Variants in ABCC1 observed in about 807,000 individuals in gnomAD.
ABCC1 encodes the protein ATP binding cassette subfamily C member 1 (ABCC1 blood group).
Under a neutral mutation model 172.9 loss-of-function variants are expected in ABCC1, and 83 were observed. That is an observed-to-expected ratio of 0.48 (90% CI 0.40 to 0.58). ABCC1 has a LOEUF of 0.58. Among genes scored for constraint, ABCC1 ranks in the 20% least tolerant of loss-of-function variants. ABCC1 has a pLI of 0.00. For synonymous variants in ABCC1, 937 were observed against 825.2 expected, an observed-to-expected ratio of 1.14 and a Z score of -2.32; for missense variants, 1,817 against 2,002.7, an observed-to-expected ratio of 0.91 and a Z score of 1.77.
intron 1 of ABCC1, among the ~76,000 whole-genome samples, chr16:16,007,418 T>A (rs1218320966): frequency 2.6e-5 from 4 of 152,176 alleles, no homozygotes; most frequent in Non-Finnish European, 5.9e-5. Context: ...AGAGGCAGCA[T>A]CTCACTATCT....
intron 12 of ABCC1, among the ~76,000 whole-genome samples, chr16:16,060,041 T>C (rs2049848261): frequency 6.6e-6 from 1 of 151,994 alleles, no homozygotes; most frequent in Non-Finnish European, 1.5e-5. Context: ...TCATGGGCCG[T>C]ATGTAAACAG....
chr16:16,135,497 CTG>C (rs1227016190), intron 28 of ABCC1, among the ~76,000 whole-genome samples: 1 of 152,170 alleles, frequency 6.6e-6, no homozygotes, highest in Non-Finnish European at 1.5e-5. Context: ...GAGTCTCACT[CTG>C]TCACCCAGTG....
intron 27 of ABCC1, among the ~76,000 whole-genome samples, chr16:16,132,646 C>T (rs1261011134): frequency 2.0e-5 from 3 of 150,680 alleles, no homozygotes; most frequent in African/African-American, 4.9e-5. Flanking sequence ...CTTAGCCTCC[C>T]GAGTAGCTGG....
At chr16:15,979,598 T>C (rs1047938112) in intron 1 of ABCC1, among the ~76,000 whole-genome samples, 13 of 152,106 alleles carry the variant, frequency 8.5e-5, no homozygotes, top group Non-Finnish European at 1.5e-5. Flanking sequence ...ACATTCAGAA[T>C]TGTGCATGTC....
Position 16,122,037 on chromosome 16 carries a change from C to A in ABCC1, c.3453C>A (p.Val1151=). The A allele has an allele frequency of 6.2e-7, 1 of 1,614,212 alleles. No individual in the cohort carries two copies. Among genetic ancestry groups the A allele is most frequent in the Non-Finnish European group, 8.5e-7 (1 of 1,180,040 alleles). ...TCGAGTCGGTCAGCCGCTCCCCGGT[C>A]TATTCCCATTTCAACGAGACCTTGC... The part of the protein sequence containing the change: ...KRLESVSRSP[V]YSHFNETLLG... The change falls in exon 24 of 31, where the codon GTC becomes GTA. Residue 1151 remains valine (V), a synonymous_variant. Coordinates refer to ENST00000399410, the MANE Select transcript of ABCC1 (RefSeq NM_004996.4).
chr16:16,133,070 T>C (rs1362418618), intron 27 of ABCC1, among the ~76,000 whole-genome samples: 1 of 152,078 alleles, frequency 6.6e-6, no homozygotes, highest in Non-Finnish European at 1.5e-5. Context: ...TCACCATCCC[T>C]TCTAGGGGGA....
At chr16:16,047,026 G>A (rs1432976646) in intron 9 of ABCC1, among the ~76,000 whole-genome samples, 2 of 152,038 alleles carry the variant, frequency 1.3e-5, no homozygotes, top group African/African-American at 4.8e-5. Context: ...CAAGACCCTG[G>A]CTCTGCAGAA....
chr16:16,036,736 TCTC>T (rs1422996979), intron 7 of ABCC1, 133 bp downstream of exon 7: 38 of 926,398 alleles, frequency 4.1e-5, no homozygotes, highest in African/African-American at 5.0e-5. Context: ...ATGCCTCACT[TCTC>T]CTCCTGGCCT....
intron 1 of ABCC1, among the ~76,000 whole-genome samples, chr16:15,997,955 A>C (rs2047115747): frequency 6.6e-6 from 1 of 151,646 alleles, no homozygotes; most frequent in Non-Finnish European, 1.5e-5. Context: ...CTGGGATTAC[A>C]GGCATTTGCC....
At chr16:16,086,591 C>A (rs919901576) in intron 17 of ABCC1, among the ~76,000 whole-genome samples, 2 of 152,138 alleles carry the variant, frequency 1.3e-5, no homozygotes, top group African/African-American at 2.4e-5. Flanking sequence ...ATAGCTGGAA[C>A]TACAGGCGCA....
intron 10 of ABCC1, 77 bp downstream of exon 10, chr16:16,048,380 G>A (rs759534957): frequency 1.4e-5 from 22 of 1,549,754 alleles, no homozygotes; most frequent in Non-Finnish European, 1.9e-5. Flanking sequence ...GGGAGTGGGT[G>A]TTGATGGTAA....
At position 16,090,533 on chromosome 16, in the gene ABCC1, T is replaced by C; in HGVS notation, c.2589T>C (p.Ala863=). 6.2e-7 allele frequency: 1 copy of C among 1,613,678 alleles called. No individual in the cohort carries two copies. Among genetic ancestry groups the C allele is most frequent in the South Asian group, 1.1e-5 (1 of 91,038 alleles). Residue 863 remains alanine, a synonymous_variant, in exon 19 of 31, where the codon GCT becomes GCC. Coordinates refer to ENST00000399410, the MANE Select transcript of ABCC1 (RefSeq NM_004996.4). Reference sequence around the variant, plus strand: ...TGCTGGCTCGAGACGGCGCCTTCGCTGAGTTCCTGCGTACCTATGCCAGCA... The same window carrying C: ...TGCTGGCTCGAGACGGCGCCTTCGCCGAGTTCCTGCGTACCTATGCCAGCA... ...QELLARDGAF[A]EFLRTYASTE...
intron 1 of ABCC1, among the ~76,000 whole-genome samples, chr16:15,989,833 G>T (rs2046818857): frequency 6.6e-6 from 1 of 152,140 alleles, no homozygotes; most frequent in African/African-American, 2.4e-5. Flanking sequence ...CCTGAACGCA[G>T]TGCCTGGTAT....
chr16:16,018,803 T>TTGAATATGTGTGTGTGTTTGAATA (rs56287964), intron 5 of ABCC1, among the ~76,000 whole-genome samples: 46 of 151,252 alleles, frequency 3.0e-4, no homozygotes, highest in African/African-American at 1.1e-3. Context: ...ATGTGTGTGT[T>TTGAATATGTGTGTGTGTTTGAATA]TGTGTGTGTG....
intron 13 of ABCC1, among the ~76,000 whole-genome samples, chr16:16,071,406 A>G (rs547189280): frequency 2.8e-4 from 42 of 151,830 alleles, no homozygotes; most frequent in Non-Finnish European, 4.3e-4. Flanking sequence ...CCATTCGCCC[A>G]TTTTTTCTGA....
At position 16,134,520 on chromosome 16, in the gene ABCC1, G is replaced by A; in HGVS notation, c.4125+12G>A. On this transcript the variant is annotated intron_variant, in intron 28 of 30. Transcript: ENST00000399410. The stretch of plus-strand genomic sequence containing the variant: ...CCATCATCCCCCAGGTGGGGTCTGG[G>A]TGTGGCCCAGGGGGTGAGCCAGAGC... The A allele has an allele frequency of 6.2e-7, 1 of 1,613,916 alleles. No homozygotes were observed. The highest frequency in any genetic ancestry group is 8.5e-7 in the Non-Finnish European group (1 of 1,180,010).
At chr16:16,117,927 G>C (rs1246480305) in intron 23 of ABCC1, among the ~76,000 whole-genome samples, 2 of 152,164 alleles carry the variant, frequency 1.3e-5, no homozygotes, top group Non-Finnish European at 2.9e-5. Flanking sequence ...AGAAGTTTCT[G>C]TTGGGAAAGG....
At chr16:16,047,611 GTA>G (rs2049266040) in intron 9 of ABCC1, among the ~76,000 whole-genome samples, 1 of 152,098 alleles carries the variant, frequency 6.6e-6, no homozygotes, top group Non-Finnish European at 1.5e-5. Context: ...TCGAGGCCAG[GTA>G]TTGCTGCTAA....
intron 12 of ABCC1, among the ~76,000 whole-genome samples, chr16:16,062,282 C>T (rs1176773324): frequency 6.6e-6 from 1 of 152,174 alleles, no homozygotes; most frequent in Non-Finnish European, 1.5e-5. Context: ...TGCCCTGTTC[C>T]CCATTAGGAA....
Sources: allele counts gnomAD v4.1 joint callset (sites outside exome capture counted in the v4.1 genomes callset), GRCh38; gene constraint gnomAD v4.1.1; transcripts MANE v1.5; gene names NCBI Gene and HGNC (gene_info 2026-07-23, HGNC 2026-07-21).